Variants in CDC73 observed in about 807,000 individuals in gnomAD.
CDC73 encodes the protein cell division cycle 73.
A neutral mutation model predicts 83.7 loss-of-function variants in CDC73; 21 were observed. The observed-to-expected ratio is 0.25, with a 90% CI of 0.18 to 0.36. The LOEUF is 0.36. Ranked by LOEUF, CDC73 falls within the 10% of genes least tolerant of loss-of-function variation. The pLI is 1.00. For missense variants in CDC73, 342 were observed against 653.3 expected (o/e 0.52, Z 5.19); for synonymous variants, 224 against 212.9 (o/e 1.05, Z -0.45).
chr1:193,194,724 AT>A (rs761900679), intron 10 of CDC73, among the ~76,000 whole-genome samples: 1 of 152,104 alleles, frequency 6.6e-6, no homozygotes, highest in East Asian at 1.9e-4. Flanking sequence ...CATGGATGTC[AT>A]TTTTTAATCA....
intron 10 of CDC73, among the ~76,000 whole-genome samples, chr1:193,197,454 T>C (rs1677020277): frequency 6.6e-6 from 1 of 152,198 alleles, no homozygotes; most frequent in East Asian, 1.9e-4. Flanking sequence ...CAGAAACACA[T>C]ATGCATATTG....
At chr1:193,149,235 A>G (rs188851210) in intron 8 of CDC73, among the ~76,000 whole-genome samples, 2 of 152,256 alleles carry the variant, frequency 1.3e-5, no homozygotes, top group Admixed American at 6.5e-5. Flanking sequence ...ACCAGGGACC[A>G]GTTTCGTAGA....
At chr1:193,181,929 A>G (rs1438350705) in intron 10 of CDC73, among the ~76,000 whole-genome samples, 1 of 152,188 alleles carries the variant, frequency 6.6e-6, no homozygotes, top group Non-Finnish European at 1.5e-5. Context: ...GTCTTGTTAC[A>G]CTGGTCATTT....
chr1:193,185,542 GT>G (rs1676792259), intron 10 of CDC73, among the ~76,000 whole-genome samples: 1 of 151,488 alleles, frequency 6.6e-6, no homozygotes, highest in Non-Finnish European at 1.5e-5. Flanking sequence ...ACATATTAAG[GT>G]TTTGTTTTAA....
At chr1:193,201,001 C>T (rs1253449474) in intron 10 of CDC73, among the ~76,000 whole-genome samples, 1 of 152,042 alleles carries the variant, frequency 6.6e-6, no homozygotes, top group Non-Finnish European at 1.5e-5. Flanking sequence ...AAAGAACTTC[C>T]CAGTTTTGTT....
chr1:193,210,011 A>G (rs895451039), intron 11 of CDC73, among the ~76,000 whole-genome samples: 3 of 152,184 alleles, frequency 2.0e-5, no homozygotes, highest in Admixed American at 6.5e-5. Flanking sequence ...TACCGAGACT[A>G]TATTATATTC....
chr1:193,195,778 A>G (rs780926923), intron 10 of CDC73, among the ~76,000 whole-genome samples: 55 of 152,152 alleles, frequency 3.6e-4, no homozygotes, highest in Non-Finnish European at 6.3e-4. Context: ...GTGTATTTTC[A>G]TGCACTTATT....
chr1:193,194,095 G>A (rs577430706), intron 10 of CDC73, among the ~76,000 whole-genome samples: 135 of 152,186 alleles, frequency 8.9e-4, no homozygotes, highest in South Asian at 1.7e-3. Context: ...CAAAAGAAGA[G>A]CAAATTTATA....
intron 10 of CDC73, among the ~76,000 whole-genome samples, chr1:193,160,779 G>GCC (rs1331435807): frequency 2.6e-5 from 4 of 151,806 alleles, no homozygotes; most frequent in Non-Finnish European, 5.9e-5. Flanking sequence ...CTTTATGACA[G>GCC]ATGTTTTAAA....
chr1:193,154,888 C>A (rs1315810966), intron 10 of CDC73, among the ~76,000 whole-genome samples: 2 of 152,102 alleles, frequency 1.3e-5, no homozygotes, highest in Non-Finnish European at 2.9e-5. Flanking sequence ...TTTATAATAT[C>A]CACCCAGACA....
At chr1:193,138,001 G>A in intron 5 of CDC73, 84 bp from the exon 6 acceptor site, 1 of 970,332 alleles carries the variant, frequency 1.0e-6, no homozygotes, top group Non-Finnish European at 1.7e-6. Context: ...TAGGAAATTT[G>A]GTAAGGAAAA....
At chr1:193,132,733 CT>C (rs1228518021) in intron 3 of CDC73, among the ~76,000 whole-genome samples, 2 of 151,396 alleles carry the variant, frequency 1.3e-5, no homozygotes, top group African/African-American at 4.9e-5. Flanking sequence ...TTGTTTTTGG[CT>C]TCAGAAGATG....
intron 10 of CDC73, among the ~76,000 whole-genome samples, chr1:193,190,965 G>T (rs1400675168): frequency 1.3e-5 from 2 of 152,188 alleles, no homozygotes; most frequent in Non-Finnish European, 2.9e-5. Flanking sequence ...CCAGTAGTGT[G>T]TGGGACAGTC....
chr1:193,156,195 A>G (rs1474652148), intron 10 of CDC73, among the ~76,000 whole-genome samples: 1 of 152,238 alleles, frequency 6.6e-6, no homozygotes, highest in Admixed American at 6.5e-5. Flanking sequence ...GATGGTGATC[A>G]CAGTTCACTC....
chr1:193,145,656 A>C (rs1361948957), intron 7 of CDC73, among the ~76,000 whole-genome samples: 1 of 152,174 alleles, frequency 6.6e-6, no homozygotes, highest in Non-Finnish European at 1.5e-5. Context: ...ACTGTAGTTC[A>C]CACAAACTTA....
intron 10 of CDC73, among the ~76,000 whole-genome samples, chr1:193,178,503 GCACA>G (rs147986107): frequency 2.0e-5 from 3 of 151,862 alleles, no homozygotes; most frequent in Admixed American, 6.6e-5. Flanking sequence ...ACCTGTGTAT[GCACA>G]CACACACACT....
At chr1:193,127,702 A>G (rs1374996661) in intron 2 of CDC73, 2 of 152,142 alleles carry the variant, frequency 1.3e-5, no homozygotes, top group African/African-American at 2.4e-5. Flanking sequence ...CTCATTTTTC[A>G]TAAGTATTTG....
At chr1:193,155,039 G>A (rs1676182881) in intron 10 of CDC73, among the ~76,000 whole-genome samples, 1 of 152,084 alleles carries the variant, frequency 6.6e-6, no homozygotes, top group Non-Finnish European at 1.5e-5. Flanking sequence ...AATAAAATTA[G>A]GATCAGTCTA....
rs924834358 is a variant in CDC73 at position 193,173,117 on chromosome 1, T to G, written c.972+20673T>G. Among the ~76,000 whole-genome samples, 3 of 152,202 alleles carry G rather than the reference T, an allele frequency of 2.0e-5. No homozygotes were observed. The East Asian group carries it at 5.8e-4, about 29-fold the overall frequency. ...CAACATAAGCCTAGAGAAAGGAGTC[T>G]TGTTCTCTGGTTTGCTCTCTGCAGG... On this transcript the variant is annotated intron_variant, in intron 10 of 16. Coordinates refer to ENST00000367435, the MANE Select transcript of CDC73 (RefSeq NM_024529.5).
Sources: gnomAD v4.1 joint callset for allele counts (sites outside exome capture counted in the v4.1 genomes callset) on GRCh38, gnomAD v4.1.1 for gene constraint, MANE v1.5 for transcripts, NCBI Gene and HGNC (gene_info 2026-07-23, HGNC 2026-07-21) for gene names.